Variants in LRP1B observed in about 807,000 individuals in gnomAD.
The protein encoded by LRP1B is low-density lipoprotein receptor-related protein 1B.
LRP1B carries 217 observed loss-of-function variants against 556.6 expected under a neutral mutation model. The observed-to-expected ratio is 0.39, with a 90% CI of 0.35 to 0.44. The LOEUF is 0.44. Among genes scored for constraint, LRP1B ranks in the 20% least tolerant of loss-of-function variants. The pLI is 1.00. For missense variants in LRP1B, 5,053 were observed against 5,620.8 expected, an observed-to-expected ratio of 0.90 and a Z score of 3.23; for synonymous variants, 2,047 against 1,865.8, an observed-to-expected ratio of 1.10 and a Z score of -2.50.
At chr2:140,356,288 G>T (rs2105129398) in intron 75 of LRP1B, 54 bp downstream of exon 75, 1 of 1,575,704 alleles carries the variant, frequency 6.3e-7, no homozygotes, top group South Asian at 1.1e-5. Flanking sequence ...GAAGTCTTGG[G>T]AATCTTCATA....
intron 1 of LRP1B, among the ~76,000 whole-genome samples, chr2:141,931,435 G>C (rs1700501707): frequency 6.6e-6 from 1 of 151,946 alleles, no homozygotes; most frequent in African/African-American, 2.4e-5. Flanking sequence ...GGAAAGGTTT[G>C]AGATTAATCT....
rs139246951 is a variant in LRP1B, at chr2:141,451,729, G to T, written c.343+28667C>A. Among the ~76,000 whole-genome samples, 1,135 of 152,116 alleles carry T rather than the reference G, an allele frequency of 7.5e-3. 13 individuals are homozygous for T. The highest frequency in any genetic ancestry group is 0.024 in the African/African-American group (1,004 of 41,470). On this transcript the variant is annotated intron_variant, in intron 3 of 90. Transcript: ENST00000389484. ...TCTCTTATTGTATCTTAATTTCAAA[G>T]ACATATTTTTAAAAAATTACTTAAT...
intron 3 of LRP1B, among the ~76,000 whole-genome samples, chr2:141,313,536 A>C (rs1201856685): frequency 6.6e-6 from 1 of 152,178 alleles, no homozygotes; most frequent in Non-Finnish European, 1.5e-5. Context: ...ATTTAAGCCA[A>C]AACCAAAAAA....
chr2:140,409,807 C>T (rs1311795323), intron 66 of LRP1B, among the ~76,000 whole-genome samples: 1 of 152,000 alleles, frequency 6.6e-6, no homozygotes, highest in Non-Finnish European at 1.5e-5. Context: ...TTCATGCCAT[C>T]TGGTTCTAAT....
chr2:141,009,120 G>C (rs144286051), intron 14 of LRP1B, among the ~76,000 whole-genome samples: 3 of 151,632 alleles, frequency 2.0e-5, no homozygotes, highest in Non-Finnish European at 2.9e-5. Context: ...TGACTTCTCA[G>C]TGTCTTATCA....
At chr2:141,302,528 T>C (rs1260036121) in intron 3 of LRP1B, among the ~76,000 whole-genome samples, 1 of 152,076 alleles carries the variant, frequency 6.6e-6, no homozygotes, top group Admixed American at 6.6e-5. Flanking sequence ...TCCTTCCTTT[T>C]TAATTTCTCA....
intron 1 of LRP1B, among the ~76,000 whole-genome samples, chr2:141,865,591 C>CAAAAAAAAAAAA (rs78227528): frequency 3.5e-4 from 15 of 42,268 alleles, no homozygotes; most frequent in Admixed American, 5.6e-4. Context: ...GACTCCGTCT[C>CAAAAAAAAAAAA]AAAAAAAAAA....
At chr2:141,169,315 TAAATAAATAAATAAATAAATAAAG>T (rs1680396633) in intron 7 of LRP1B, among the ~76,000 whole-genome samples, 1 of 148,366 alleles carries the variant, frequency 6.7e-6, no homozygotes, top group African/African-American at 2.5e-5. Context: ...AATAAATAAA[TAAATAAATAAATAAATAAATAAAG>T]AAGAGATGGG....
chr2:141,323,840 A>C (rs1165469848), intron 3 of LRP1B, among the ~76,000 whole-genome samples: 2 of 151,762 alleles, frequency 1.3e-5, no homozygotes, highest in Non-Finnish European at 2.9e-5. Flanking sequence ...ATGCCATGGT[A>C]GTGCAAAGGA....
chr2:141,156,207 A>C (rs908863297), intron 7 of LRP1B, among the ~76,000 whole-genome samples: 1 of 152,186 alleles, frequency 6.6e-6, no homozygotes, highest in Non-Finnish European at 1.5e-5. Flanking sequence ...TCAGTAACCC[A>C]GGGTCTATGC....
chr2:141,764,890 T>TA (rs1346609749), intron 2 of LRP1B, among the ~76,000 whole-genome samples: 1 of 149,276 alleles, frequency 6.7e-6, no homozygotes, highest in African/African-American at 2.5e-5. Flanking sequence ...ATCAGTTTCC[T>TA]ATTTTTTCTG....
chr2:140,467,126 C>T (rs975735214), intron 60 of LRP1B, among the ~76,000 whole-genome samples: 1 of 152,192 alleles, frequency 6.6e-6, no homozygotes, highest in Admixed American at 6.5e-5. Flanking sequence ...GAAGGCTATA[C>T]TTTTTGAAAT....
intron 2 of LRP1B, among the ~76,000 whole-genome samples, chr2:141,671,977 T>G (rs1033555677): frequency 6.6e-6 from 1 of 152,072 alleles, no homozygotes; most frequent in African/African-American, 2.4e-5. Context: ...CAAAACACTC[T>G]CTATATCCAG....
chr2:141,161,510 C>T (rs574031655), intron 7 of LRP1B, among the ~76,000 whole-genome samples: 1 of 152,144 alleles, frequency 6.6e-6, no homozygotes, highest in African/African-American at 2.4e-5. Flanking sequence ...AATTCTATCA[C>T]CAAAATAAAT....
At chr2:140,992,606 C>T (rs2105356962) in intron 16 of LRP1B, 1 of 152,218 alleles carries the variant, frequency 6.6e-6, no homozygotes, top group East Asian at 1.9e-4. Flanking sequence ...AATCAAACTC[C>T]TTGTTCTACT....
intron 3 of LRP1B, among the ~76,000 whole-genome samples, chr2:141,469,469 C>A (rs545608579): frequency 2.9e-4 from 44 of 150,308 alleles, no homozygotes; most frequent in African/African-American, 1.1e-3. Flanking sequence ...GATCAAGGTA[C>A]CAGCAGATTC....
intron 41 of LRP1B, among the ~76,000 whole-genome samples, chr2:140,679,463 A>G (rs534797908): frequency 3.9e-5 from 6 of 152,310 alleles, no homozygotes; most frequent in African/African-American, 1.2e-4. Context: ...CAATGAACTA[A>G]TGTACATTAA....
chr2:140,472,836 T>C (rs1687825171), intron 60 of LRP1B, among the ~76,000 whole-genome samples: 1 of 152,096 alleles, frequency 6.6e-6, no homozygotes, highest in African/African-American at 2.4e-5. Flanking sequence ...TTCTGAAAAG[T>C]CTCATATGTT....
chr2:141,580,281 GGATTACAT>G (rs1205791918), intron 2 of LRP1B, among the ~76,000 whole-genome samples: 2 of 152,188 alleles, frequency 1.3e-5, no homozygotes, highest in African/African-American at 4.8e-5. Context: ...TATTTCTCCT[GGATTACAT>G]GATAAAGATT....
Sources: gnomAD v4.1 joint callset for allele counts (sites outside exome capture counted in the v4.1 genomes callset) on GRCh38, gnomAD v4.1.1 for gene constraint, MANE v1.5 for transcripts, NCBI Gene and HGNC (gene_info 2026-07-23, HGNC 2026-07-21) for gene names.